Variants in SCN1A observed in about 807,000 individuals in gnomAD.
SCN1A encodes sodium voltage-gated channel alpha subunit 1.
Under a neutral mutation model 193.7 loss-of-function variants are expected in SCN1A, and 13 were observed. The ratio of observed to expected loss-of-function variants is 0.07; its 90% CI spans 0.04 to 0.11. The LOEUF is 0.11. Ranked by LOEUF, SCN1A falls within the 10% of genes least tolerant of loss-of-function variation. The pLI is 1.00. For missense variants in SCN1A, 1,432 were observed against 2,451.1 expected (o/e 0.58, Z 8.78); for synonymous variants, 781 against 843.6 (o/e 0.93, Z 1.29).
At chr2:166,148,521 T>A (rs1463336508) in intron 1 of SCN1A, among the ~76,000 whole-genome samples, 1 of 152,226 alleles carries the variant, frequency 6.6e-6, no homozygotes, top group Admixed American at 6.5e-5. Flanking sequence ...TAGTGTCGAA[T>A]GGCGCTTTTG....
intron 2 of SCN1A, among the ~76,000 whole-genome samples, chr2:166,090,848 C>A (rs1686725994): frequency 6.6e-6 from 1 of 152,142 alleles, no homozygotes; most frequent in Non-Finnish European, 1.5e-5. Flanking sequence ...TTGGTTTATT[C>A]ATATTCTTGT....
In SCN1A at chr2:165,988,982, C is replaced by T. The variant is rs73969738; in HGVS notation, c.*2263G>A. 5,150 of 151,982 alleles carry T rather than the reference C, an allele frequency of 0.034. 291 individuals carry two copies. Among genetic ancestry groups the T allele is most frequent in the African/African-American group, 0.12 (4,901 of 41,136 alleles). 9.4% of individuals were successfully genotyped at this position (151,982 alleles called of 1,614,324 possible). On this transcript the variant is annotated 3_prime_UTR_variant, in exon 29 of 29. Coordinates refer to ENST00000674923, the MANE Select transcript of SCN1A (RefSeq NM_001165963.4). ...CTGGGAGGTCATTACCCCCTACCTC[C>T]AGTGACATATCTACCCTAGGTTTTG... is the stretch of plus-strand genomic sequence containing the variant.
intron 2 of SCN1A, among the ~76,000 whole-genome samples, chr2:166,082,975 G>A (rs191778078): frequency 3.9e-5 from 6 of 152,112 alleles, no homozygotes; most frequent in Non-Finnish European, 7.4e-5. Flanking sequence ...TTTGTGAAGT[G>A]TTTCAGTTCG....
chr2:166,120,357 A>G (rs1360575586), intron 2 of SCN1A, among the ~76,000 whole-genome samples: 1 of 151,356 alleles, frequency 6.6e-6, no homozygotes, highest in East Asian at 1.9e-4. Flanking sequence ...GGCTTTTTCT[A>G]AGGAAAAACA....
At chr2:166,147,553 A>G (rs1692373298) in intron 1 of SCN1A, among the ~76,000 whole-genome samples, 1 of 152,238 alleles carries the variant, frequency 6.6e-6, no homozygotes, top group South Asian at 2.1e-4. Context: ...GATTATAAGT[A>G]CAATTAAGTA....
chr2:166,145,853 T>C (rs1692299753), intron 1 of SCN1A, among the ~76,000 whole-genome samples: 1 of 152,124 alleles, frequency 6.6e-6, no homozygotes, highest in Non-Finnish European at 1.5e-5. Context: ...CTAAACTCTT[T>C]GATGAGTTTG....
downstream of SCN1A, chr2:165,985,598 C>T (rs905170438): frequency 2.0e-5 from 3 of 152,056 alleles, no homozygotes; most frequent in Non-Finnish European, 2.9e-5. Flanking sequence ...ATAAAGGACT[C>T]AAGCAGTTGA....
intron 10 of SCN1A, 32 bp from the exon 11 acceptor site, chr2:166,047,800 T>C: frequency 6.2e-7 from 1 of 1,612,958 alleles, no homozygotes; most frequent in Non-Finnish European, 8.5e-7. Flanking sequence ...GTATTACAAG[T>C]CGTTCTGCTG....
In SCN1A at chr2:165,992,126, G is replaced by A. The variant is rs1422702469; in HGVS notation, c.5149C>T (p.Leu1717=). The change falls in exon 29 of 29, where the codon CTA becomes TTA. Residue 1717 remains leucine (L), a synonymous_variant. Transcript: ENST00000674923. The surrounding 1 kb of genome is among the most constrained non-coding windows in gnomAD (Gnocchi z 6.5). The stretch of plus-strand genomic sequence containing the variant: ...CCAGCAGAGGTTGTAATTTGGAATA[G>A]GCAGATCATGCTGTTGCCAAAGGTC... The part of the protein sequence containing the change: ...FETFGNSMIC[L]FQITTSAGWD... 1 of 1,613,798 alleles carries A rather than the reference G, an allele frequency of 6.2e-7. No individual in the cohort carries two copies. The highest frequency in any genetic ancestry group is 1.3e-5 in the African/African-American group (1 of 74,876).
intron 4 of SCN1A, among the ~76,000 whole-genome samples, chr2:166,062,071 C>A (rs950532340): frequency 6.6e-6 from 1 of 152,084 alleles, no homozygotes; most frequent in East Asian, 1.9e-4. Context: ...TTTAATTTTT[C>A]ATAAGACATA....
At chr2:166,066,670 A>G (rs907797350) in intron 4 of SCN1A, among the ~76,000 whole-genome samples, 1 of 152,170 alleles carries the variant, frequency 6.6e-6, no homozygotes, top group Non-Finnish European at 1.5e-5. Context: ...AAATGAGGCC[A>G]TCAGCTTCCT....
chr2:166,140,848 T>C (rs1306931336), intron 1 of SCN1A, among the ~76,000 whole-genome samples: 1 of 152,216 alleles, frequency 6.6e-6, no homozygotes, highest in Non-Finnish European at 1.5e-5. Flanking sequence ...AAAACCAGGA[T>C]ACTTTCAGAA....
At chr2:166,014,453 T>C (rs1692975092) in intron 20 of SCN1A, among the ~76,000 whole-genome samples, 1 of 151,510 alleles carries the variant, frequency 6.6e-6, no homozygotes, top group Non-Finnish European at 1.5e-5. Flanking sequence ...TCCTCACACA[T>C]TGCTTTCACT....
intron 12 of SCN1A, 151 bp from the exon 13 acceptor site, chr2:166,045,478 A>ATT: frequency 1.3e-6 from 1 of 757,562 alleles, no homozygotes; most frequent in Non-Finnish European, 2.1e-6. Context: ...ATAAGAGGAG[A>ATT]TTTTTTTTTT....
chr2:165,994,430 G>A lies in SCN1A; in HGVS notation c.4582-14C>T. 1 of 1,612,004 alleles carries A rather than the reference G, an allele frequency of 6.2e-7. No homozygotes were observed. On this transcript the variant is annotated splice_polypyrimidine_tract_variant and intron_variant, in intron 27 of 28. Transcript: ENST00000674923. ...TTGAAATTTGTTCTGTAGAGAAATA[G>A]AAATGCTTTTAACAACAAAGGAGTT...
At position 166,039,693 on chromosome 2, in the gene SCN1A, A is replaced by G. The variant is rs923857926; in HGVS notation, c.2416-97T>C. ...CATAATGCTTATGCTATTTTCCCAC[A>G]ATGATTCTATTACTAACTTAAATTT... is the stretch of plus-strand genomic sequence containing the variant. On this transcript the variant is annotated intron_variant, in intron 16 of 28. Coordinates refer to ENST00000674923, the MANE Select transcript of SCN1A (RefSeq NM_001165963.4). 3.7e-6 allele frequency: 4 copies of G among 1,088,730 alleles called. No homozygotes were observed. The African/African-American group carries it at 4.7e-5, about 13-fold the overall frequency. The allele number at this position is 1,088,730 out of a possible 1,614,324, so 67.4% of individuals were successfully genotyped here.
rs1462918206 is a variant in SCN1A at position 166,120,161 on chromosome 2, T to G, written c.-142+6763A>C. Among the ~76,000 whole-genome samples, 3 of 97,874 alleles carry G rather than the reference T, an allele frequency of 3.1e-5. No individual in the cohort carries two copies. In the East Asian group the frequency reaches 1.4e-3, roughly 46 times the overall value. The allele number at this position is 97,874 out of a possible 152,430, so 64.2% of individuals were successfully genotyped here. On this transcript the variant is annotated intron_variant, in intron 2 of 28. Transcript: ENST00000674923. ...ATAAGATGTAATATTCTATTTAAAT[T>G]TTTTTTTTGTTTTATGCACTTTATG...
intron 2 of SCN1A, among the ~76,000 whole-genome samples, chr2:166,097,663 C>T (rs549323946): frequency 4.2e-4 from 64 of 152,172 alleles, no homozygotes; most frequent in Non-Finnish European, 7.8e-4. Flanking sequence ...CTCACTGCAG[C>T]CTTGAACTAC....
At chr2:166,129,215 A>G (rs1691533446), upstream of SCN1A, among the ~76,000 whole-genome samples, 1 of 152,186 alleles carries the variant, frequency 6.6e-6, no homozygotes, top group South Asian at 2.1e-4. Context: ...ATTCAAGACC[A>G]CATAGCTTGC....
Sources: allele counts gnomAD v4.1 joint callset (sites outside exome capture counted in the v4.1 genomes callset), GRCh38; gene constraint gnomAD v4.1.1; non-coding constraint Gnocchi (gnomAD v3.1); transcripts MANE v1.5; gene names NCBI Gene and HGNC (gene_info 2026-07-23, HGNC 2026-07-21).